ENTPD1: variants seen among roughly 807,000 people sequenced by gnomAD.
The protein encoded by ENTPD1 is ATP diphosphohydrolase.
ENTPD1 carries 33 observed loss-of-function variants against 57.0 expected under a neutral mutation model. That is an observed-to-expected ratio of 0.58 (90% CI 0.44 to 0.77). The LOEUF (loss-of-function observed/expected upper bound fraction) is 0.77. ENTPD1 is among the 30% of genes least tolerant of loss of function. The pLI is 0.00. For missense variants in ENTPD1, 501 were observed against 603.4 expected, an observed-to-expected ratio of 0.83 and a Z score of 1.78; for synonymous variants, 202 against 218.8, an observed-to-expected ratio of 0.92 and a Z score of 0.68.
intron 1 of ENTPD1, among the ~76,000 whole-genome samples, chr10:95,762,045 G>GA (rs1435239574): frequency 6.6e-6 from 1 of 151,908 alleles, no homozygotes; most frequent in African/African-American, 2.4e-5. Context: ...AGTTGTTGGA[G>GA]AAAAAAATCC....
At chr10:95,814,591 A>G (rs780618368) in intron 1 of ENTPD1, among the ~76,000 whole-genome samples, 2 of 152,078 alleles carry the variant, frequency 1.3e-5, no homozygotes, top group African/African-American at 2.4e-5. Flanking sequence ...GATGTCACCA[A>G]ATAGGCTCTC....
intron 1 of ENTPD1, among the ~76,000 whole-genome samples, chr10:95,807,542 T>C (rs1216832119): frequency 2.6e-5 from 4 of 152,234 alleles, no homozygotes; most frequent in Admixed American, 2.6e-4. Context: ...TCCAATGAGT[T>C]GAACCAGGTA....
rs2141022777 is a variant in ENTPD1 at position 95,869,867 on chromosome 10, T to A, written c.*3484T>A. The A allele has an allele frequency of 1.3e-6, 1 of 778,196 alleles. No individual in the cohort carries two copies. The highest frequency in any genetic ancestry group is 6.7e-4 in the Middle Eastern group (1 of 1,496). The allele number at this position is 778,196 out of a possible 1,614,324, so 48.2% of individuals were successfully genotyped here. A position where few individuals can be genotyped will look rare whatever the true frequency, so the allele number is the denominator to read the frequency against. On this transcript the variant is annotated 3_prime_UTR_variant, in exon 10 of 10. Coordinates refer to ENST00000371205, the MANE Select transcript of ENTPD1 (RefSeq NM_001776.6). Reference sequence around the variant, plus strand: ...TACTAAATTTTCAAAATATTTTGTGTCTATTACATTTACAGCACATCTTAA... The same window carrying A: ...TACTAAATTTTCAAAATATTTTGTGACTATTACATTTACAGCACATCTTAA...
chr10:95,725,972 G>A (rs1007248922), intron 1 of ENTPD1, among the ~76,000 whole-genome samples: 2 of 152,200 alleles, frequency 1.3e-5, no homozygotes, highest in Non-Finnish European at 2.9e-5. Context: ...TGCCCTCTCT[G>A]GAGGAAAGCT....
intron 7 of ENTPD1, among the ~76,000 whole-genome samples, chr10:95,848,180 C>A (rs1408152781): frequency 6.6e-6 from 1 of 152,182 alleles, no homozygotes; most frequent in East Asian, 1.9e-4. Context: ...GAGCAGACTT[C>A]CCAGGGCTGG....
At chr10:95,695,062 G>A in the ENTPD1 span, among the ~76,000 whole-genome samples, 8 of 151,750 alleles carry the variant, frequency 5.3e-5, no homozygotes, top group African/African-American at 1.9e-4. Flanking sequence ...CACCACGCCC[G>A]GCTAATTTTA....
rs1172238720 is a variant in ENTPD1 at position 95,874,244 on chromosome 10, TG to T, written c.*7867del. ...CAAGCTAGTTACCTCCTAGATACAA[TG>T]GGGGGTACAGGTATTGGGTAAATAC... On this transcript the variant is annotated 3_prime_UTR_variant, in exon 10 of 10. Coordinates refer to ENST00000371205, the MANE Select transcript of ENTPD1 (RefSeq NM_001776.6). 1.3e-5 allele frequency among the ~76,000 whole-genome samples: 2 copies of T among 151,986 alleles called. No homozygotes were observed. The highest frequency in any genetic ancestry group is 4.8e-5 in the African/African-American group (2 of 41,354).
intron 1 of ENTPD1, among the ~76,000 whole-genome samples, chr10:95,781,789 G>T (rs1290443030): frequency 6.6e-6 from 1 of 152,110 alleles, no homozygotes; most frequent in East Asian, 1.9e-4. Context: ...TCTCCCATAG[G>T]TGATGTTAAA....
At chr10:95,699,090 G>A in the ENTPD1 span, among the ~76,000 whole-genome samples, 87 of 152,284 alleles carry the variant, frequency 5.7e-4, no homozygotes, top group Admixed American at 1.6e-3. Context: ...CAGGAGGATC[G>A]CTTGAGCCAG....
chr10:95,721,601 A>G (rs2097977446), intron 1 of ENTPD1, among the ~76,000 whole-genome samples: 1 of 152,112 alleles, frequency 6.6e-6, no homozygotes, highest in South Asian at 2.1e-4. Context: ...TCTGACAGGG[A>G]AAAAGGTACA....
At chr10:95,713,822 GA>G (rs372736274) in intron 1 of ENTPD1, among the ~76,000 whole-genome samples, 1 of 151,654 alleles carries the variant, frequency 6.6e-6, no homozygotes, top group African/African-American at 2.4e-5. Flanking sequence ...CAGCAGAAAG[GA>G]AAAAAAATCT....
chr10:95,845,950 C>A lies in ENTPD1; in HGVS notation c.813+354C>A, dbSNP rs181628763. On this transcript the variant is annotated intron_variant, in intron 6 of 9. Transcript: ENST00000371205. ...TCTTTTAGACCACTTTTTAAAGCTCCCTTTCCTACAAACTACAAAAAAACA... is the reference window on the plus strand; with the variant it reads ...TCTTTTAGACCACTTTTTAAAGCTCACTTTCCTACAAACTACAAAAAAACA... 2.0e-5 allele frequency: 5 copies of A among 253,038 alleles called. No individual in the cohort carries two copies. The East Asian group carries it at 3.5e-4, about 18-fold the overall frequency. 15.7% of individuals were successfully genotyped at this position (253,038 alleles called of 1,614,324 possible).
chr10:95,816,309 A>C (rs1219129078), intron 1 of ENTPD1, among the ~76,000 whole-genome samples: 2 of 152,212 alleles, frequency 1.3e-5, no homozygotes, highest in African/African-American at 4.8e-5. Context: ...GTCTAACTAC[A>C]TGTAACAGCG....
Position 95,867,139 on chromosome 10 carries a change from G to C in ENTPD1, c.*756G>C. On this transcript the variant is annotated 3_prime_UTR_variant, in exon 10 of 10. Transcript: ENST00000371205. ...ACTATGAGGTAGGTGGTATATACAT[G>C]TCACAAATAAAAATACAGTTACAAC... 1.0e-6 allele frequency: 1 copy of C among 985,412 alleles called. No homozygotes were observed. The highest frequency in any genetic ancestry group is 1.2e-6 in the Non-Finnish European group (1 of 829,956). 61.0% of individuals were successfully genotyped at this position (985,412 alleles called of 1,614,324 possible).
chr10:95,842,144 C>G (rs2098423857), intron 3 of ENTPD1, among the ~76,000 whole-genome samples, 200 bp from the exon 4 acceptor site: 1 of 152,186 alleles, frequency 6.6e-6, no homozygotes, highest in South Asian at 2.1e-4. Context: ...CTGAACAGAC[C>G]CAACTTAAAG....
intron 3 of ENTPD1, among the ~76,000 whole-genome samples, chr10:95,841,411 C>A (rs1458653843): frequency 3.9e-5 from 6 of 152,080 alleles, no homozygotes; most frequent in Non-Finnish European, 7.4e-5. Context: ...AGCAGATGTC[C>A]TTCTTCTGAG....
chr10:95,804,664 T>C (rs893596768), intron 1 of ENTPD1, among the ~76,000 whole-genome samples: 2 of 152,054 alleles, frequency 1.3e-5, no homozygotes, highest in African/African-American at 4.8e-5. Context: ...TTTTCCTAAT[T>C]GATACTTCTT....
At chr10:95,735,638 C>T (rs1360917505) in intron 1 of ENTPD1, among the ~76,000 whole-genome samples, 7 of 152,086 alleles carry the variant, frequency 4.6e-5, no homozygotes, top group African/African-American at 1.7e-4. Flanking sequence ...CCCTGTTGCC[C>T]AGGCTGGAGT....
upstream of ENTPD1, chr10:95,755,381 C>G: frequency 3.5e-6 from 1 of 286,344 alleles, no homozygotes. Flanking sequence ...AAAGGATTAG[C>G]CCTTGTTTTG....
Sources: gnomAD v4.1 joint callset for allele counts (sites outside exome capture counted in the v4.1 genomes callset) on GRCh38, gnomAD v4.1.1 for gene constraint, MANE v1.5 for transcripts, NCBI Gene and HGNC (gene_info 2026-07-23, HGNC 2026-07-21) for gene names.